CLTCL1: variants seen among roughly 807,000 people sequenced by gnomAD.
The protein encoded by CLTCL1 is clathrin heavy chain 2.
A neutral mutation model predicts 190.0 loss-of-function variants in CLTCL1; 159 were observed. The observed-to-expected ratio is 0.84, with a 90% CI of 0.74 to 0.95. CLTCL1 has a LOEUF of 0.95. CLTCL1 is among the 40% of genes least tolerant of loss of function. The pLI is 0.00. For synonymous variants in CLTCL1, 752 were observed against 769.6 expected, an observed-to-expected ratio of 0.98 and a Z score of 0.38; for missense variants, 1,878 against 2,033.4, an observed-to-expected ratio of 0.92 and a Z score of 1.47.
intron 1 of CLTCL1, 114 bp from the exon 2 acceptor site, chr22:19,275,944 A>T: frequency 4.2e-6 from 3 of 720,596 alleles, no homozygotes; most frequent in Non-Finnish European, 6.4e-6. Context: ...AACATTAGGT[A>T]AACACTTGAA....
chr22:19,260,364 C>T (rs967938115), intron 2 of CLTCL1, among the ~76,000 whole-genome samples: 1 of 152,120 alleles, frequency 6.6e-6, no homozygotes, highest in Admixed American at 6.5e-5. Flanking sequence ...GAAGTCAATG[C>T]CTGGCTTCAA....
Position 19,209,075 on chromosome 22 carries a change from C to G in CLTCL1, c.3289G>C (p.Glu1097Gln). Residue 1097 changes from glutamate (E) to glutamine (Q), a missense_variant, in exon 21 of 33, where the codon GAG becomes CAG. Glu to Gln is a conservative substitution (Grantham distance 29). Coordinates refer to ENST00000427926, the MANE Select transcript of CLTCL1 (RefSeq NM_007098.4). ...EHIGNLDRAY[E>Q]FAERCNEPAV... ...GGCTCATTGCATCTCTCCGCAAACT[C>G]ATATGCCCGGTCCAGGTTTCCAATG... 1 of 1,608,694 alleles carries G rather than the reference C, an allele frequency of 6.2e-7. No individual in the cohort carries two copies. The highest frequency in any genetic ancestry group is 1.3e-5 in the African/African-American group (1 of 74,898).
chr22:19,233,638 A>G lies in CLTCL1; in HGVS notation c.1168-16T>C. On this transcript the variant is annotated splice_polypyrimidine_tract_variant and intron_variant, in intron 7 of 32. Coordinates refer to ENST00000427926, the MANE Select transcript of CLTCL1 (RefSeq NM_007098.4). ...GCAGGATTCCCTAATAATAAATGGA[A>G]AAATAGGTCATTGTGTTGTAATCAC... The G allele has an allele frequency of 6.2e-7, 1 of 1,609,422 alleles. No individual in the cohort carries two copies. The highest frequency in any genetic ancestry group is 2.2e-5 in the East Asian group (1 of 44,848).
At chr22:19,276,320 G>C (rs2087501502) in intron 1 of CLTCL1, among the ~76,000 whole-genome samples, 1 of 152,204 alleles carries the variant, frequency 6.6e-6, no homozygotes, top group South Asian at 2.1e-4. Flanking sequence ...CATTTCCCTA[G>C]ATATCATCAA....
intron 2 of CLTCL1, among the ~76,000 whole-genome samples, chr22:19,260,887 A>C (rs1601679669): frequency 6.6e-6 from 1 of 150,606 alleles, no homozygotes; most frequent in Non-Finnish European, 1.5e-5. Flanking sequence ...TTACAGCATG[A>C]TTTACTGAAT....
In CLTCL1 at chr22:19,233,597, A is replaced by G. The variant is rs562256697; in HGVS notation, c.1193T>C (p.Val398Ala). 2.5e-6 allele frequency: 4 copies of G among 1,613,384 alleles called. No individual in the cohort carries two copies. The highest frequency in any genetic ancestry group is 3.4e-6 in the Non-Finnish European group (4 of 1,179,876). The change falls in exon 8 of 33, where the codon GTC becomes GCC. Residue 398 changes from valine (V) to alanine (A), a missense_variant. Val to Ala is a moderately conservative substitution (Grantham distance 64, BLOSUM62 0). Transcript: ENST00000427926. Reference protein sequence around the residue: ...PKGILRTRETVQKFQSIPAQS... With the variant: ...PKGILRTRETAQKFQSIPAQS... ...AGCGGGTATACTCTGGAATTTCTGG[A>G]CCGTCTCTCTGGTACGCAGGATTCC...
At chr22:19,236,012 T>C (rs782736823) in intron 5 of CLTCL1, 143 bp from the exon 6 acceptor site, 4 of 726,376 alleles carry the variant, frequency 5.5e-6, no homozygotes, top group Non-Finnish European at 8.8e-6. Context: ...CAGGCTGGAG[T>C]GTAGTGGTGC....
intron 18 of CLTCL1, among the ~76,000 whole-genome samples, chr22:19,218,961 G>A (rs1229840909): frequency 1.3e-5 from 2 of 152,120 alleles, no homozygotes; most frequent in Admixed American, 6.5e-5. Flanking sequence ...CTCTGTCCAC[G>A]AGGGCTGAGC....
At chr22:19,213,637 G>T (rs1332658899) in intron 19 of CLTCL1, among the ~76,000 whole-genome samples, 1 of 152,230 alleles carries the variant, frequency 6.6e-6, no homozygotes, top group Non-Finnish European at 1.5e-5. Flanking sequence ...CAAGTTGGAT[G>T]AATCTCAAAG....
intron 18 of CLTCL1, among the ~76,000 whole-genome samples, chr22:19,218,386 G>T (rs536351171): frequency 2.4e-4 from 36 of 152,228 alleles, no homozygotes; most frequent in Non-Finnish European, 5.3e-4. Context: ...AGTTGAAACA[G>T]AGATTCAAAA....
At chr22:19,245,590 A>G (rs185551606) in intron 3 of CLTCL1, among the ~76,000 whole-genome samples, 65 of 152,330 alleles carry the variant, frequency 4.3e-4, no homozygotes, top group African/African-American at 1.5e-3. Flanking sequence ...CAATGTGTGG[A>G]ACCAAAACCT....
intron 29 of CLTCL1, chr22:19,184,636 C>T (rs956044050): frequency 6.7e-6 from 3 of 449,734 alleles, no homozygotes; most frequent in African/African-American, 2.0e-5. Context: ...GTCTCCCTGC[C>T]GTGCCCTCCA....
intron 27 of CLTCL1, among the ~76,000 whole-genome samples, chr22:19,190,299 A>G (rs1172400960): frequency 6.6e-6 from 1 of 152,206 alleles, no homozygotes; most frequent in East Asian, 1.9e-4. Flanking sequence ...CTCAGGGAAT[A>G]GGGAGGCCCA....
chr22:19,283,311 T>A lies in CLTCL1; in HGVS notation c.43-7481A>T, dbSNP rs143355802. ...TTTTCTTTCTTTTGAGACAGAGTCT[T>A]GCTCTGTCGCCAAGGCTGGAGTGCA... On this transcript the variant is annotated intron_variant, in intron 1 of 32. Transcript: ENST00000427926. 6.3e-3 allele frequency among the ~76,000 whole-genome samples: 963 copies of A among 152,216 alleles called. 12 individuals carry two copies. The highest frequency in any genetic ancestry group is 0.035 in the South Asian group (171 of 4,830).
chr22:19,219,765 C>T (rs1231033737), intron 18 of CLTCL1, 120 bp downstream of exon 18: 77 of 1,424,062 alleles, frequency 5.4e-5, no homozygotes, highest in Non-Finnish European at 7.1e-5. Context: ...GCATTACAGG[C>T]GTGAGCCACT....
Position 19,273,361 on chromosome 22 carries a change from C to A in CLTCL1, c.250+2262G>T, listed in dbSNP as rs527870809. On this transcript the variant is annotated intron_variant, in intron 2 of 32. Transcript: ENST00000427926. ...GTTCCAGAGTCTTACACTTCCCCCA[C>A]GGAAAAGAAAACAAGACTCAACATG... 1.4e-4 allele frequency among the ~76,000 whole-genome samples: 21 copies of A among 151,970 alleles called. 1 individual carries two copies. In the South Asian group the frequency reaches 4.4e-3, roughly 32 times the overall value.
intron 1 of CLTCL1, among the ~76,000 whole-genome samples, chr22:19,289,031 T>C (rs528979989): frequency 6.6e-6 from 1 of 152,336 alleles, no homozygotes; most frequent in East Asian, 1.9e-4. Flanking sequence ...TTACCCAGGC[T>C]GGAGAGTAGT....
At chr22:19,229,268 G>T (rs1047089133) in intron 11 of CLTCL1, among the ~76,000 whole-genome samples, 21 of 152,168 alleles carry the variant, frequency 1.4e-4, no homozygotes, top group African/African-American at 4.8e-4. Context: ...AAAAATGAAG[G>T]TGTTTCTAAC....
chr22:19,267,876 G>A (rs1393200542), intron 2 of CLTCL1, among the ~76,000 whole-genome samples: 1 of 146,398 alleles, frequency 6.8e-6, no homozygotes, highest in African/African-American at 2.5e-5. Flanking sequence ...GGCTGGGTGA[G>A]AAGAACAAGA....
Sources: gnomAD v4.1 joint callset for allele counts (sites outside exome capture counted in the v4.1 genomes callset) on GRCh38, gnomAD v4.1.1 for gene constraint, MANE v1.5 for transcripts, NCBI Gene and HGNC (gene_info 2026-07-23, HGNC 2026-07-21) for gene names.